Variants in TMEM232 observed in about 807,000 individuals in gnomAD.
The protein encoded by TMEM232 is transmembrane protein 232.
A neutral mutation model predicts 78.8 loss-of-function variants in TMEM232; 80 were observed. The observed-to-expected ratio is 1.01, with a 90% CI of 0.85 to 1.22. The LOEUF (loss-of-function observed/expected upper bound fraction) is 1.22. Ranked by LOEUF, TMEM232 falls within the 50% of genes most tolerant of loss-of-function variation. The probability of loss-of-function intolerance (pLI) is 0.00; values close to 1 mark genes in which losing one functional copy is unlikely to be tolerated. For missense variants in TMEM232, 881 were observed against 742.2 expected, an observed-to-expected ratio of 1.19 and a Z score of -2.17; for synonymous variants, 297 against 254.3, an observed-to-expected ratio of 1.17 and a Z score of -1.60.
chr5:110,580,758 A>C (rs1395086037), intron 10 of TMEM232, among the ~76,000 whole-genome samples: 1 of 151,694 alleles, frequency 6.6e-6, no homozygotes, highest in Non-Finnish European at 1.5e-5. Context: ...GTACACATAA[A>C]AATTTCTCCA....
chr5:110,408,110 TG>T (rs1755861266), intron 2 of TMEM232, among the ~76,000 whole-genome samples: 1 of 152,036 alleles, frequency 6.6e-6, no homozygotes. Flanking sequence ...AACAAAAAGT[TG>T]TATCTATGGG....
At chr5:110,406,705 A>T (rs908060773) in intron 2 of TMEM232, among the ~76,000 whole-genome samples, 1 of 152,130 alleles carries the variant, frequency 6.6e-6, no homozygotes, top group Non-Finnish European at 1.5e-5. Flanking sequence ...TACTATATTT[A>T]TGGTGTATAA....
intron 10 of TMEM232, among the ~76,000 whole-genome samples, chr5:110,595,840 G>T (rs1780091298): frequency 6.6e-6 from 1 of 152,082 alleles, no homozygotes; most frequent in Admixed American, 6.6e-5. Flanking sequence ...GAACCAAGTT[G>T]GAAAACACAC....
chr5:110,701,529 C>G (rs568876491), intron 1 of TMEM232, among the ~76,000 whole-genome samples: 6 of 152,146 alleles, frequency 3.9e-5, no homozygotes, highest in African/African-American at 7.2e-5. Flanking sequence ...GATTCCCCAT[C>G]ATCCAGCAGT....
chr5:110,672,571 G>T (rs1791501255), intron 1 of TMEM232, among the ~76,000 whole-genome samples: 1 of 151,856 alleles, frequency 6.6e-6, no homozygotes, highest in Non-Finnish European at 1.5e-5. Context: ...TTTCCAAAAA[G>T]AAAAAGAAAA....
At chr5:110,398,392 C>A (rs537196703) in intron 2 of TMEM232, among the ~76,000 whole-genome samples, 13 of 152,046 alleles carry the variant, frequency 8.6e-5, no homozygotes, top group Non-Finnish European at 1.6e-4. Context: ...TCAAAGACTC[C>A]GTGAGGTCTA....
At chr5:110,640,863 A>G (rs1580464268) in intron 4 of TMEM232, 28 bp downstream of exon 4, 1 of 1,432,532 alleles carries the variant, frequency 7.0e-7, no homozygotes, top group Non-Finnish European at 9.3e-7. Context: ...AATACTTAGG[A>G]TGCCTAATAA....
At chr5:110,495,075 T>C (rs1468390049) in intron 12 of TMEM232, among the ~76,000 whole-genome samples, 2 of 151,352 alleles carry the variant, frequency 1.3e-5, no homozygotes, top group Non-Finnish European at 3.0e-5. Flanking sequence ...ATTTGTTATT[T>C]TAATTAAACT....
rs1561623759 is a variant in TMEM232, at chr5:110,524,399, GAA to G, written c.1703+4187_1703+4188del. Among the ~76,000 whole-genome samples, 52 of 71,908 alleles carry G rather than the reference GAA, an allele frequency of 7.2e-4. 1 individual carries two copies. The highest frequency in any genetic ancestry group is 3.0e-3 in the African/African-American group (39 of 13,106). 47.2% of individuals were successfully genotyped at this position (71,908 alleles called of 152,430 possible). A position where few individuals can be genotyped will look rare whatever the true frequency, so the allele number is the denominator to read the frequency against. On this transcript the variant is annotated intron_variant, in intron 12 of 13. Coordinates refer to ENST00000455884, the MANE Select transcript of TMEM232 (RefSeq NM_001039763.4). ...AGAAAGAAAGAAAGAAAGAAAGAAA[GAA>G]AGAAAGAAAGAAAGAAAAGAAAAGA...
chr5:110,737,497 T>C (rs1204672143), intron 1 of TMEM232, among the ~76,000 whole-genome samples: 1 of 152,208 alleles, frequency 6.6e-6, no homozygotes, highest in Non-Finnish European at 1.5e-5. Flanking sequence ...TTTATATCAC[T>C]TCAGAAATTA....
chr5:110,640,740 A>G (rs982485224), intron 4 of TMEM232, 151 bp downstream of exon 4: 14 of 434,802 alleles, frequency 3.2e-5, no homozygotes, highest in Middle Eastern at 8.2e-4. Flanking sequence ...TCAAAATTAC[A>G]AAATGAATTT....
chr5:110,397,330 A>C (rs1222376986), intron 3 of TMEM232, among the ~76,000 whole-genome samples: 1 of 152,198 alleles, frequency 6.6e-6, no homozygotes, highest in African/African-American at 2.4e-5. Flanking sequence ...TACTGCAAAA[A>C]TACCCCAAAC....
At chr5:110,577,346 A>C (rs1292107393) in intron 10 of TMEM232, among the ~76,000 whole-genome samples, 1 of 152,136 alleles carries the variant, frequency 6.6e-6, no homozygotes, top group African/African-American at 2.4e-5. Context: ...ACCAGTCAGA[A>C]TGGCAATTGT....
intron 1 of TMEM232, among the ~76,000 whole-genome samples, chr5:110,688,093 ATGTGTGTGTG>A (rs10528620): frequency 1.3e-5 from 2 of 148,754 alleles, no homozygotes; most frequent in African/African-American, 4.9e-5. Context: ...CTCTGAGGGG[ATGTGTGTGTG>A]TGTGTGTGTG....
intron 1 of TMEM232, among the ~76,000 whole-genome samples, chr5:110,712,940 C>T (rs1396675993): frequency 6.6e-6 from 1 of 152,072 alleles, no homozygotes; most frequent in Non-Finnish European, 1.5e-5. Context: ...ATTAGTATAT[C>T]AAAAAGATAT....
intron 1 of TMEM232, among the ~76,000 whole-genome samples, chr5:110,692,142 T>C (rs924572557): frequency 2.0e-5 from 3 of 152,118 alleles, no homozygotes; most frequent in Non-Finnish European, 4.4e-5. Context: ...AGGATGCTCT[T>C]GTACTCCGGA....
intron 11 of TMEM232, among the ~76,000 whole-genome samples, chr5:110,557,897 C>A (rs1353564528): frequency 6.6e-6 from 1 of 152,128 alleles, no homozygotes; most frequent in Non-Finnish European, 1.5e-5. Context: ...AGTTCTTGTA[C>A]AGGTTCTTTC....
intron 7 of TMEM232, among the ~76,000 whole-genome samples, chr5:110,624,481 T>C (rs1169665703): frequency 6.6e-6 from 1 of 152,120 alleles, no homozygotes; most frequent in Non-Finnish European, 1.5e-5. Flanking sequence ...AGCATGTCTG[T>C]TCTCTTCATG....
chr5:110,652,294 G>GCACACACACACACACACACA lies in TMEM232; in HGVS notation c.126-9943_126-9924dup, dbSNP rs70999969. 1.6e-3 allele frequency among the ~76,000 whole-genome samples: 234 copies of GCACACACACACACACACACA among 145,448 alleles called. 2 individuals carry two copies. The highest frequency in any genetic ancestry group is 8.6e-3 in the South Asian group (39 of 4,534). On this transcript the variant is annotated intron_variant, in intron 2 of 13. Transcript: ENST00000455884. ...CAAGCACACAAAAGTGCACGCGCGC[G>GCACACACACACACACACACA]CACACACACACACACACACACACAC...
Sources: gnomAD v4.1 joint callset for allele counts (sites outside exome capture counted in the v4.1 genomes callset) on GRCh38, gnomAD v4.1.1 for gene constraint, MANE v1.5 for transcripts, NCBI Gene and HGNC (gene_info 2026-07-23, HGNC 2026-07-21) for gene names.